The following ODAD1 variants were observed in gnomAD, a reference collection of about 807,000 sequenced individuals.
ODAD1 encodes the protein outer dynein arm docking complex subunit 1.
ODAD1 carries 49 observed loss-of-function variants against 67.2 expected under a neutral mutation model. The observed-to-expected ratio is 0.73, with a 90% CI of 0.58 to 0.92. The LOEUF is 0.92. Ranked by LOEUF, ODAD1 falls within the 40% of genes least tolerant of loss-of-function variation. The pLI is 0.00. For missense variants in ODAD1, 897 were observed against 953.7 expected, an observed-to-expected ratio of 0.94 and a Z score of 0.78; for synonymous variants, 345 against 393.7, an observed-to-expected ratio of 0.88 and a Z score of 1.46.
Position 48,318,530 on chromosome 19 carries a change from G to A in ODAD1, c.217C>T (p.Gln73Ter), listed in dbSNP as rs1291297910. Residue 73 changes from glutamine to a stop codon, truncating the protein, a stop_gained, in exon 5 of 16, where the codon CAG becomes TAG. Coordinates refer to ENST00000674294, the MANE Select transcript of ODAD1 (RefSeq NM_001364171.2). LOFTEE classifies it high-confidence loss of function. ...LEEVRGDLQV[Q>*]ISAAQNQVKR... ...ACCTGGTTCTGGGCTGCGCTGATCT[G>A]CACCTGGAGATCGCCCCGTACCTCC... is the stretch of plus-strand genomic sequence containing the variant. 2 of 1,551,562 alleles carry A rather than the reference G, an allele frequency of 1.3e-6. No individual in the cohort carries two copies. Among genetic ancestry groups the A allele is most frequent in the Non-Finnish European group, 1.7e-6 (2 of 1,146,976 alleles).
At chr19:48,311,154 G>C (rs1202439600) in intron 7 of ODAD1, among the ~76,000 whole-genome samples, 2 of 152,184 alleles carry the variant, frequency 1.3e-5, no homozygotes, top group Non-Finnish European at 2.9e-5. Flanking sequence ...ACAGGCTGTA[G>C]TGAGCCAAGA....
intron 12 of ODAD1, chr19:48,301,186 G>A (rs1003185517): frequency 1.3e-5 from 2 of 152,196 alleles, no homozygotes; most frequent in Admixed American, 6.5e-5. Flanking sequence ...GTGGATCATC[G>A]GGGACTCCCA....
chr19:48,303,177 C>T lies in ODAD1; in HGVS notation c.989-82G>A, dbSNP rs575456148. ...GAGAGAACAGAGACAGAGAGGCATA[C>T]AGAAGGCCAAAGAAAGTGAAGATGA... On this transcript the variant is annotated intron_variant, in intron 10 of 15. Coordinates refer to ENST00000674294, the MANE Select transcript of ODAD1 (RefSeq NM_001364171.2). 6.8e-5 allele frequency: 73 copies of T among 1,068,784 alleles called. No homozygotes were observed. In the East Asian group the frequency reaches 1.4e-3, roughly 20 times the overall value. 66.2% of individuals were successfully genotyped at this position (1,068,784 alleles called of 1,614,324 possible).
At chr19:48,311,697 G>A in intron 6 of ODAD1, 31 bp from the exon 7 acceptor site, 2 of 1,328,764 alleles carry the variant, frequency 1.5e-6, no homozygotes, top group Non-Finnish European at 2.1e-6. Flanking sequence ...GGAAGAGTGG[G>A]TCTGAAGCCA....
rs1335478746 is a variant in ODAD1 at position 48,297,373 on chromosome 19, T to C, written c.1727A>G (p.His576Arg). 6 of 1,608,718 alleles carry C rather than the reference T, an allele frequency of 3.7e-6. No homozygotes were observed. Among genetic ancestry groups the C allele is most frequent in the Admixed American group, 3.3e-5 (2 of 60,018 alleles). ...GCTCAAAATGGACCCGGGGATGGCATGGGGGTGCCTGGTGGGCACCAGGAC... is the reference window on the plus strand; with the variant it reads ...GCTCAAAATGGACCCGGGGATGGCACGGGGGTGCCTGGTGGGCACCAGGAC... Reference protein sequence around the residue: ...STVLVPTRHPHAIPGSILSHK... With the variant: ...STVLVPTRHPRAIPGSILSHK... Residue 576 changes from histidine to arginine, a missense_variant, in exon 16 of 16, where the codon CAT becomes CGT. Physicochemically the swap from His to Arg is conservative, Grantham distance 29. Coordinates refer to ENST00000674294, the MANE Select transcript of ODAD1 (RefSeq NM_001364171.2).
At chr19:48,299,396 G>A (rs188392559) in intron 12 of ODAD1, among the ~76,000 whole-genome samples, 146 of 152,282 alleles carry the variant, frequency 9.6e-4, no homozygotes, top group Non-Finnish European at 9.6e-4. Context: ...GGCTGACAGC[G>A]TGAGATTCCA....
chr19:48,302,839 T>G lies in ODAD1; in HGVS notation c.1095A>C (p.Ala365=), dbSNP rs772867955. The G allele has an allele frequency of 8.7e-6, 14 of 1,613,846 alleles. No homozygotes were observed. Among genetic ancestry groups the G allele is most frequent in the Middle Eastern group, 1.6e-4 (1 of 6,084 alleles). Residue 365 remains alanine, a synonymous_variant, in exon 12 of 16, where the codon GCA becomes GCC. Transcript: ENST00000674294. ...IKEMQEALVS[A]RASKDDQHLL... The stretch of plus-strand genomic sequence containing the variant: ...AATGCTGGTCATCCTTGCTGGCACG[T>G]GCGCTCACCAAAGCCTCCTGCATCT...
At chr19:48,318,273 T>A in intron 5 of ODAD1, 114 bp downstream of exon 5, 1 of 890,050 alleles carries the variant, frequency 1.1e-6, no homozygotes, top group Non-Finnish European at 1.7e-6. Context: ...ATTACAGGCA[T>A]GAGCCACTGT....
At chr19:48,302,967 G>A in intron 11 of ODAD1, 46 bp downstream of exon 11, 7 of 1,564,498 alleles carry the variant, frequency 4.5e-6, no homozygotes, top group South Asian at 1.1e-5. Context: ...AGGGGGCGGG[G>A]AGGCCGGGAG....
intron 7 of ODAD1, among the ~76,000 whole-genome samples, chr19:48,309,961 G>A (rs977577451): frequency 1.3e-5 from 2 of 152,116 alleles, no homozygotes; most frequent in African/African-American, 4.8e-5. Flanking sequence ...CCGGCCGGGC[G>A]TGGTGGCTCA....
Position 48,320,789 on chromosome 19 carries a change from A to G in ODAD1, c.-41T>C, listed in dbSNP as rs1969012577. ...GGCCTGACCTGTTCTTGGTGCTCCA[A>G]GTTCAGTGTTGTGGTCTGGTTACTG... On this transcript the variant is annotated 5_prime_UTR_variant, in exon 2 of 16. Transcript: ENST00000674294. 6.4e-6 allele frequency: 1 copy of G among 156,806 alleles called. No individual in the cohort carries two copies. The highest frequency in any genetic ancestry group is 1.4e-5 in the Non-Finnish European group (1 of 70,056). 9.7% of individuals were successfully genotyped at this position (156,806 alleles called of 1,614,324 possible). A position where few individuals can be genotyped will look rare whatever the true frequency, so the allele number is the denominator to read the frequency against.
rs367799104 is a variant in ODAD1, at chr19:48,306,295, C to T, written c.626G>A (p.Ser209Asn). ...KEIHHLHHLV[S>N]TLILSSTSAY... ...AGAGGTGGAGGAGAGGATAAGGGTG[C>T]TGACCAGGTGATGCAGGTGGTGGAT... is the stretch of plus-strand genomic sequence containing the variant. Residue 209 changes from serine (S) to asparagine (N), a missense_variant, in exon 8 of 16, where the codon AGC (serine) becomes AAC (asparagine). Transcript: ENST00000674294. 143 of 1,551,460 alleles carry T rather than the reference C, an allele frequency of 9.2e-5. No homozygotes were observed. The highest frequency in any genetic ancestry group is 6.7e-4 in the Middle Eastern group (4 of 5,992).
chr19:48,303,013 C>T lies in ODAD1; in HGVS notation c.1071G>A (p.Glu357=), dbSNP rs79967289. ...ELEHVQEEIK[E]MQEALVSARA... ...GATGGAGAGGGCAGGCCTCACTCAC[C>T]TCCTTGATCTCTTCCTGCACATGCT... is the stretch of plus-strand genomic sequence containing the variant. Residue 357 remains glutamate (E), a splice_region_variant and synonymous_variant, in exon 11 of 16, where the codon GAG becomes GAA. Transcript: ENST00000674294. 4,817 of 1,613,720 alleles carry T rather than the reference C, an allele frequency of 3.0e-3. 120 individuals carry two copies. In the African/African-American group the frequency reaches 0.058, roughly 19 times the overall value.
chr19:48,311,553 C>T lies in ODAD1; in HGVS notation c.597G>A (p.Lys199=). Residue 199 remains lysine, a splice_region_variant and synonymous_variant, in exon 7 of 16, where the codon AAG becomes AAA. Transcript: ENST00000674294. ...TCCCCTGGATTTCAGGGCCACTGACCTTCTTCAGCTTGCGGTCCACGTTCA... is the reference window on the plus strand; with the variant it reads ...TCCCCTGGATTTCAGGGCCACTGACTTTCTTCAGCTTGCGGTCCACGTTCA... ...RYLNVDRKLK[K]EIHHLHHLVS... The T allele has an allele frequency of 1.3e-6, 2 of 1,540,298 alleles. No individual in the cohort carries two copies. Among genetic ancestry groups the T allele is most frequent in the Non-Finnish European group, 1.8e-6 (2 of 1,136,886 alleles).
In ODAD1 at chr19:48,303,458, G is replaced by A; in HGVS notation, c.988+192C>T. On this transcript the variant is annotated intron_variant, in intron 10 of 15. Coordinates refer to ENST00000674294, the MANE Select transcript of ODAD1 (RefSeq NM_001364171.2). ...TGACCCCAGGCCCAGGAGTTAGGAG[G>A]GGGTGGGGAGGGGCAGAGACAGGGC... 6.3e-6 allele frequency: 4 copies of A among 635,860 alleles called. No individual in the cohort carries two copies. The East Asian group carries it at 8.2e-5, about 13-fold the overall frequency. The allele number at this position is 635,860 out of a possible 1,614,324, so 39.4% of individuals were successfully genotyped here.
At chr19:48,300,251 C>T (rs184549250) in intron 12 of ODAD1, among the ~76,000 whole-genome samples, 31 of 151,908 alleles carry the variant, frequency 2.0e-4, no homozygotes, top group Middle Eastern at 6.8e-3. Flanking sequence ...TGCAGTGAGC[C>T]GAGATTGTGC....
Position 48,298,339 on chromosome 19 carries a change from A to G in ODAD1, c.1242T>C (p.Asp414=). 1.2e-6 allele frequency: 2 copies of G among 1,613,960 alleles called. No homozygotes were observed. The highest frequency in any genetic ancestry group is 1.7e-6 in the Non-Finnish European group (2 of 1,179,936). Residue 414 remains aspartate (D), a splice_region_variant and synonymous_variant, in exon 13 of 16, where the codon GAT becomes GAC. Coordinates refer to ENST00000674294, the MANE Select transcript of ODAD1 (RefSeq NM_001364171.2). ...VRGQLEKLKA[D]IQLLFTKAHC... ...GGGCCTTGGTGAAGAGGAGCTGGAT[A>G]TCTGCGTCATGGAGGGCCGGTTGTC...
intron 7 of ODAD1, among the ~76,000 whole-genome samples, chr19:48,309,328 G>A (rs1251152688): frequency 1.3e-5 from 2 of 152,156 alleles, no homozygotes; most frequent in Non-Finnish European, 2.9e-5. Context: ...AAATGAGTGG[G>A]GACTTGCAAC....
At chr19:48,306,379 G>T in intron 7 of ODAD1, 56 bp from the exon 8 acceptor site, 1 of 1,464,150 alleles carries the variant, frequency 6.8e-7, no homozygotes, top group Non-Finnish European at 9.4e-7. Context: ...ATTGCTCGAA[G>T]TCTTTCCTTT....
Sources: allele counts gnomAD v4.1 joint callset (sites outside exome capture counted in the v4.1 genomes callset), GRCh38; gene constraint gnomAD v4.1.1; transcripts MANE v1.5; gene names NCBI Gene and HGNC (gene_info 2026-07-23, HGNC 2026-07-21).